The following GRM1 variants were observed in gnomAD, a reference collection of about 807,000 sequenced individuals.
GRM1 encodes the protein glutamate metabotropic receptor 1.
GRM1 carries 33 observed loss-of-function variants against 90.9 expected under a neutral mutation model. That is an observed-to-expected ratio of 0.36 (90% CI 0.28 to 0.49). GRM1 has a LOEUF of 0.49. GRM1 is among the 20% of genes least tolerant of loss of function. The probability of loss-of-function intolerance (pLI) is 0.99; values close to 1 mark genes in which losing one functional copy is unlikely to be tolerated. For missense variants in GRM1, 1,190 were observed against 1,534.3 expected (o/e 0.78, Z 3.75); for synonymous variants, 700 against 613.2 (o/e 1.14, Z -2.09).
intron 6 of GRM1, among the ~76,000 whole-genome samples, chr6:146,391,636 C>A (rs902666324): frequency 1.3e-4 from 20 of 151,896 alleles, no homozygotes; most frequent in Non-Finnish European, 2.2e-4. Flanking sequence ...GACATTACAG[C>A]TAATTCCCTC....
chr6:146,098,220 G>A (rs1776937111), intron 1 of GRM1, among the ~76,000 whole-genome samples: 1 of 152,012 alleles, frequency 6.6e-6, no homozygotes, highest in Non-Finnish European at 1.5e-5. Context: ...TTAATATATT[G>A]GCATGCTAAA....
At chr6:146,431,786 T>C (rs1197174040) in intron 7 of GRM1, among the ~76,000 whole-genome samples, 1 of 152,182 alleles carries the variant, frequency 6.6e-6, no homozygotes, top group African/African-American at 2.4e-5. Flanking sequence ...CTATATATAG[T>C]AAGGCATACT....
intron 3 of GRM1, among the ~76,000 whole-genome samples, chr6:146,322,574 C>CTTTTA (rs59946587): frequency 0.18 from 26,211 of 144,842 alleles, 2,640 homozygotes; most frequent in Non-Finnish European, 0.23. Flanking sequence ...TGCTGCCTTT[C>CTTTTA]TTTTATTTTA....
intron 2 of GRM1, among the ~76,000 whole-genome samples, chr6:146,203,208 T>C (rs960805216): frequency 6.8e-6 from 1 of 146,898 alleles, no homozygotes; most frequent in Admixed American, 6.7e-5. Flanking sequence ...AATAAATAAA[T>C]AAATAAATAA....
chr6:146,140,609 AAAT>A (rs777132585), intron 1 of GRM1, among the ~76,000 whole-genome samples: 35 of 152,184 alleles, frequency 2.3e-4, no homozygotes, highest in Non-Finnish European at 4.7e-4. Context: ...TGAGGCTTCC[AAAT>A]AATATCTTAT....
Position 146,352,259 on chromosome 6 carries a change from G to A in GRM1, c.1196G>A (p.Ser399Asn). ...ATTTTTATTGTTACAGGCAATGAAA[G>A]CTTAGAAGAAAACTATGTCCAGGAC... ...NFKRICTGNESLEENYVQDSK... is the reference protein window; with the variant it reads ...NFKRICTGNENLEENYVQDSK... Residue 399 changes from serine (S) to asparagine (N), a missense_variant, in exon 4 of 8, where the codon AGC (serine) becomes AAC (asparagine). By Grantham distance (46) the Ser-to-Asn change is conservative (BLOSUM62 1). Around this residue, in one of 10 missense-constraint regions of GRM1, gnomAD observed 414 missense variants for 598.4 expected, o/e 0.69. Coordinates refer to ENST00000282753, the MANE Select transcript of GRM1 (RefSeq NM_001278064.2). The A allele has an allele frequency of 6.2e-7, 1 of 1,613,798 alleles. No homozygotes were observed. The highest frequency in any genetic ancestry group is 8.5e-7 in the Non-Finnish European group (1 of 1,179,718).
chr6:146,375,332 G>A (rs1300931732), intron 5 of GRM1, among the ~76,000 whole-genome samples: 2 of 151,930 alleles, frequency 1.3e-5, no homozygotes, highest in African/African-American at 4.8e-5. Context: ...TCAAGAAAGA[G>A]GAAGAGAGGA....
intron 1 of GRM1, among the ~76,000 whole-genome samples, chr6:146,117,018 A>G (rs1030670034): frequency 6.6e-6 from 1 of 151,488 alleles, no homozygotes; most frequent in Admixed American, 6.6e-5. Flanking sequence ...GTTTGACAAT[A>G]TTTTTAATTT....
intron 1 of GRM1, among the ~76,000 whole-genome samples, chr6:146,054,496 CT>C (rs1161709889): frequency 6.6e-6 from 1 of 151,914 alleles, no homozygotes; most frequent in African/African-American, 2.4e-5. Context: ...CTTTCTGTAC[CT>C]TATATTTTAT....
chr6:146,184,441 T>A (rs1006247617), intron 2 of GRM1, among the ~76,000 whole-genome samples: 5 of 152,152 alleles, frequency 3.3e-5, no homozygotes, highest in Non-Finnish European at 7.4e-5. Flanking sequence ...TGTTTTTTTT[T>A]AATTAACTAT....
chr6:146,088,717 G>A (rs1046026032), intron 1 of GRM1, among the ~76,000 whole-genome samples: 4 of 152,006 alleles, frequency 2.6e-5, no homozygotes, highest in African/African-American at 7.2e-5. Flanking sequence ...CCATAAATGG[G>A]GAGAAAATCC....
At position 146,338,527 on chromosome 6, in the gene GRM1, T is replaced by TTA. The variant is rs1784859048; in HGVS notation, c.1187-13721_1187-13720dup. ...ATGGCTTAGAGTAGGACTCATGAGC[T>TTA]TATGTATGTTTAAAATAGTCACTGT... On this transcript the variant is annotated intron_variant, in intron 3 of 7. Transcript: ENST00000282753. Among the ~76,000 whole-genome samples, 4 of 152,202 alleles carry TTA rather than the reference T, an allele frequency of 2.6e-5. No homozygotes were observed. The South Asian group carries it at 8.3e-4, about 31-fold the overall frequency.
intron 2 of GRM1, among the ~76,000 whole-genome samples, chr6:146,244,647 CT>C (rs1780992265): frequency 1.3e-5 from 2 of 152,170 alleles, no homozygotes; most frequent in African/African-American, 4.8e-5. Context: ...CAGACCAGTA[CT>C]GATAAATTCT....
At chr6:146,362,196 T>A (rs2115065570) in intron 5 of GRM1, among the ~76,000 whole-genome samples, 1 of 152,334 alleles carries the variant, frequency 6.6e-6, no homozygotes, top group African/African-American at 2.4e-5. Flanking sequence ...TTACCTCTTC[T>A]TATCATCACC....
At chr6:146,243,631 A>G (rs1166687468) in intron 2 of GRM1, among the ~76,000 whole-genome samples, 1 of 152,082 alleles carries the variant, frequency 6.6e-6, no homozygotes, top group Non-Finnish European at 1.5e-5. Flanking sequence ...TCACAAGGCA[A>G]ATGGAGGCAG....
At chr6:146,261,480 T>C (rs1451390893) in intron 2 of GRM1, among the ~76,000 whole-genome samples, 1 of 152,124 alleles carries the variant, frequency 6.6e-6, no homozygotes, top group Admixed American at 6.6e-5. Flanking sequence ...CAAAAAATGC[T>C]CTTTAACATG....
chr6:146,301,020 A>G (rs1316319314), intron 2 of GRM1, among the ~76,000 whole-genome samples: 2 of 152,192 alleles, frequency 1.3e-5, no homozygotes, highest in African/African-American at 4.8e-5. Flanking sequence ...TGAAAGTATA[A>G]AAACAGAGGA....
intron 2 of GRM1, among the ~76,000 whole-genome samples, chr6:146,288,055 A>G (rs1782829660): frequency 6.6e-6 from 1 of 152,230 alleles, no homozygotes; most frequent in African/African-American, 2.4e-5. Context: ...ATACATAGAA[A>G]TGTGAAATGA....
intron 1 of GRM1, among the ~76,000 whole-genome samples, chr6:146,095,087 T>C (rs1776834271): frequency 6.6e-6 from 1 of 152,144 alleles, no homozygotes; most frequent in South Asian, 2.1e-4. Flanking sequence ...TCACTGTCCA[T>C]AGAGTGAGTC....
Sources: gnomAD v4.1 joint callset for allele counts (sites outside exome capture counted in the v4.1 genomes callset) on GRCh38, gnomAD v4.1.1 for gene constraint, gnomAD v4.1.1 regional missense constraint, MANE v1.5 for transcripts, NCBI Gene and HGNC (gene_info 2026-07-23, HGNC 2026-07-21) for gene names.